The following NELL2 variants were observed in gnomAD, a reference collection of about 807,000 sequenced individuals.
The protein encoded by NELL2 is neural EGFL like 2.
NELL2 carries 41 observed loss-of-function variants against 109.6 expected under a neutral mutation model. The ratio of observed to expected loss-of-function variants is 0.37; its 90% CI spans 0.29 to 0.49. The LOEUF (loss-of-function observed/expected upper bound fraction) is 0.49, where lower values mean the gene tolerates loss of function less well. NELL2 is among the 20% of genes least tolerant of loss of function. The pLI, the probability that NELL2 is intolerant of heterozygous loss-of-function variation, is 0.98. For missense variants in NELL2, 900 were observed against 1,008.3 expected (o/e 0.89, Z 1.45); for synonymous variants, 355 against 344.7 (o/e 1.03, Z -0.33).
rs760228629 is a variant in NELL2, at chr12:44,875,536, G to T, written c.56-183C>A. 2.5e-6 allele frequency: 4 copies of T among 1,613,730 alleles called. No individual in the cohort carries two copies. The East Asian group carries it at 8.9e-5, about 36-fold the overall frequency. ...GATCAGCAGCCAAGCTTTAAATAGC[G>T]GAGCACCCAGTCCCGTTTCCATGAC... On this transcript the variant is annotated intron_variant, in intron 1 of 19. Coordinates refer to ENST00000429094, the MANE Select transcript of NELL2 (RefSeq NM_001145108.2).
chr12:44,734,222 T>C (rs1939520996), intron 9 of NELL2, among the ~76,000 whole-genome samples: 1 of 152,022 alleles, frequency 6.6e-6, no homozygotes, highest in South Asian at 2.1e-4. Context: ...TTTTAAATTT[T>C]ATAATTATTA....
rs369066179 is a variant in NELL2 at position 44,649,609 on chromosome 12, G to T, written c.1444+15875C>A. On this transcript the variant is annotated intron_variant, in intron 13 of 19. Coordinates refer to ENST00000429094, the MANE Select transcript of NELL2 (RefSeq NM_001145108.2). ...TGAGAAGACTGTCACAGCATTGAAG[G>T]CTTCAGAGATGACTTGGTCTCTGCA... 3.9e-5 allele frequency among the ~76,000 whole-genome samples: 6 copies of T among 152,258 alleles called. No individual in the cohort carries two copies. The South Asian group carries it at 8.3e-4, about 21-fold the overall frequency.
chr12:44,683,089 T>A (rs1948585024), intron 12 of NELL2, among the ~76,000 whole-genome samples: 1 of 152,214 alleles, frequency 6.6e-6, no homozygotes, highest in Non-Finnish European at 1.5e-5. Context: ...TCCTCTTTTA[T>A]TTCATTGAGT....
At chr12:44,653,284 T>A (rs1473907398) in intron 13 of NELL2, among the ~76,000 whole-genome samples, 1 of 152,180 alleles carries the variant, frequency 6.6e-6, no homozygotes, top group East Asian at 1.9e-4. Flanking sequence ...TCATTCCATT[T>A]TAAAGATGAA....
chr12:44,908,198 G>A (rs538635071), intron 1 of NELL2, among the ~76,000 whole-genome samples: 1 of 152,052 alleles, frequency 6.6e-6, no homozygotes, highest in South Asian at 2.1e-4. Flanking sequence ...AATTTGAAGT[G>A]AGACCCATAA....
chr12:44,796,073 C>T (rs1942609502), intron 3 of NELL2, among the ~76,000 whole-genome samples: 1 of 152,000 alleles, frequency 6.6e-6, no homozygotes. Flanking sequence ...GCCTCAGTTT[C>T]CCCCCTCCCC....
Position 44,867,667 on chromosome 12 carries a change from G to T in NELL2, c.184+7558C>A. Among the ~76,000 whole-genome samples the T allele has an allele frequency of 1.3e-5, 2 of 152,088 alleles. 1 individual carries two copies. Among genetic ancestry groups the T allele is most frequent in the Admixed American group, 1.3e-4 (2 of 15,264 alleles). Reference sequence around the variant, plus strand: ...AAAGAAATAAAAGGCATCAAAATTGGGAAGGAAGAGGTTAACTTATCCCTG... The same window carrying T: ...AAAGAAATAAAAGGCATCAAAATTGTGAAGGAAGAGGTTAACTTATCCCTG... On this transcript the variant is annotated intron_variant, in intron 2 of 19. Coordinates refer to ENST00000429094, the MANE Select transcript of NELL2 (RefSeq NM_001145108.2).
chr12:44,683,356 C>T (rs1195395466), intron 12 of NELL2, among the ~76,000 whole-genome samples: 19 of 144,356 alleles, frequency 1.3e-4, no homozygotes, highest in Admixed American at 6.0e-4. Context: ...ACTATCATGT[C>T]GTCTGCAAAC....
chr12:44,523,020 T>C (rs1941609262), intron 17 of NELL2: 1 of 457,076 alleles, frequency 2.2e-6, no homozygotes, highest in African/African-American at 2.0e-5. Context: ...ATATAGTATA[T>C]ACTATAAAAC....
intron 19 of NELL2, among the ~76,000 whole-genome samples, chr12:44,513,310 C>T (rs919544289): frequency 1.3e-5 from 2 of 151,894 alleles, no homozygotes; most frequent in Non-Finnish European, 1.5e-5. Context: ...CAAAAACAGT[C>T]TTCACAAGAA....
At chr12:44,686,641 C>T (rs1411335662) in intron 12 of NELL2, among the ~76,000 whole-genome samples, 1 of 151,270 alleles carries the variant, frequency 6.6e-6, no homozygotes, top group Non-Finnish European at 1.5e-5. Flanking sequence ...ACAGACAGGA[C>T]CCTCAGCTGC....
At chr12:44,870,325 T>C (rs1945126921) in intron 2 of NELL2, among the ~76,000 whole-genome samples, 1 of 152,186 alleles carries the variant, frequency 6.6e-6, no homozygotes, top group African/African-American at 2.4e-5. Context: ...TTTTCTATCA[T>C]GCTCCTAAAA....
chr12:44,636,700 G>A (rs879472370), intron 13 of NELL2, among the ~76,000 whole-genome samples: 1 of 152,028 alleles, frequency 6.6e-6, no homozygotes, highest in Non-Finnish European at 1.5e-5. Context: ...TTTTATTGAG[G>A]ATTTTCATAT....
intron 9 of NELL2, among the ~76,000 whole-genome samples, chr12:44,748,824 A>G (rs1434471682): frequency 6.6e-6 from 1 of 152,176 alleles, no homozygotes; most frequent in African/African-American, 2.4e-5. Flanking sequence ...CAAACAATAA[A>G]ATCAAATACC....
chr12:44,699,859 A>G (rs890550155), intron 12 of NELL2, among the ~76,000 whole-genome samples: 1 of 152,094 alleles, frequency 6.6e-6, no homozygotes, highest in African/African-American at 2.4e-5. Context: ...TGAGTTTGCT[A>G]TCGCCATCAC....
rs772611169 is a variant in NELL2 at position 44,523,466 on chromosome 12, G to T, written c.1823C>A (p.Thr608Asn). ...ATCATTGGCACAGCTGTGCCTCCCG[G>T]TCCCACACTCATCAATATCTATAGA... ...ESCEDIDECG[T>N]GRHSCANDTI... Residue 608 changes from threonine to asparagine, a missense_variant, in exon 17 of 20, where the codon ACC becomes AAC. Physicochemically the swap from Thr to Asn is moderately conservative, Grantham distance 65. This residue lies in a region of NELL2 where 333 missense variants were observed against 432.3 expected (regional missense o/e 0.77). Coordinates refer to ENST00000429094, the MANE Select transcript of NELL2 (RefSeq NM_001145108.2). 3 of 1,613,504 alleles carry T rather than the reference G, an allele frequency of 1.9e-6. No homozygotes were observed. Among genetic ancestry groups the T allele is most frequent in the Non-Finnish European group, 8.5e-7 (1 of 1,179,926 alleles).
chr12:44,879,350 C>T (rs7977425), upstream of NELL2, among the ~76,000 whole-genome samples: 22,093 of 152,118 alleles, frequency 0.15, 1,807 homozygotes, highest in East Asian at 0.22. Context: ...TAGTTGGTTA[C>T]AGCATCCACG....
At chr12:44,890,656 T>A (rs1030743549) in intron 1 of NELL2, among the ~76,000 whole-genome samples, 1 of 152,048 alleles carries the variant, frequency 6.6e-6, no homozygotes, top group African/African-American at 2.4e-5. Flanking sequence ...CAGTTCAAAA[T>A]TTTCTCCCCC....
At chr12:44,731,409 AT>A (rs113876035) in intron 9 of NELL2, among the ~76,000 whole-genome samples, 11,310 of 152,126 alleles carry the variant, frequency 0.074, 1,363 homozygotes, top group African/African-American at 0.25. Context: ...ATAAAGTGGT[AT>A]TTATCCCTGG....
Sources: allele counts gnomAD v4.1 joint callset (sites outside exome capture counted in the v4.1 genomes callset), GRCh38; gene constraint gnomAD v4.1.1; regional missense constraint gnomAD v4.1.1; transcripts MANE v1.5; gene names NCBI Gene and HGNC (gene_info 2026-07-23, HGNC 2026-07-21).